The following CSMD1 variants were observed in gnomAD, a reference collection of about 807,000 sequenced individuals.
The protein encoded by CSMD1 is CUB and Sushi multiple domains 1, also known as CUB and sushi domain-containing protein 1.
A neutral mutation model predicts 417.5 loss-of-function variants in CSMD1; 213 were observed. The ratio of observed to expected loss-of-function variants is 0.51; its 90% CI spans 0.46 to 0.57. CSMD1 has a LOEUF of 0.57. CSMD1 is among the 20% of genes least tolerant of loss of function. CSMD1 has a pLI of 0.00. For synonymous variants in CSMD1, 2,862 were observed against 1,736.8 expected (o/e 1.65, Z -16.11); for missense variants, 6,923 against 4,529.7 (o/e 1.53, Z -15.17).
intron 1 of CSMD1, among the ~76,000 whole-genome samples, chr8:4,937,567 A>G (rs1317780629): frequency 1.3e-5 from 2 of 152,236 alleles, no homozygotes; most frequent in Non-Finnish European, 2.9e-5. Flanking sequence ...TTCTGTCAGC[A>G]TGACAAAGAA....
Position 3,308,496 on chromosome 8 carries a change from A to C in CSMD1, c.3639T>G (p.Asp1213Glu). 6.2e-7 allele frequency: 1 copy of C among 1,610,822 alleles called. No individual in the cohort carries two copies. The highest frequency in any genetic ancestry group is 8.5e-7 in the Non-Finnish European group (1 of 1,177,826). ...QGFQLTYTSF[D>E]LVKCEDPGIP... ...TGCCCGGATCCTCACATTTTACCAG[A>C]TCAAAACCTGCAAGAGAGAAAGGCA... Residue 1213 changes from aspartate to glutamate, a missense_variant, in exon 24 of 70, where the codon GAT becomes GAG. Transcript: ENST00000635120.
At chr8:3,941,020 T>C (rs1810846915) in intron 5 of CSMD1, among the ~76,000 whole-genome samples, 1 of 152,142 alleles carries the variant, frequency 6.6e-6, no homozygotes, top group East Asian at 1.9e-4. Flanking sequence ...CATATTTCCA[T>C]GCTACATGTG....
chr8:3,663,632 A>C (rs1798534316), intron 7 of CSMD1, among the ~76,000 whole-genome samples: 2 of 152,142 alleles, frequency 1.3e-5, no homozygotes, highest in South Asian at 4.2e-4. Flanking sequence ...GGAAAGACTA[A>C]TCAGAAACTC....
chr8:4,678,305 G>A (rs952262419), intron 1 of CSMD1, among the ~76,000 whole-genome samples: 1 of 152,000 alleles, frequency 6.6e-6, no homozygotes, highest in Non-Finnish European at 1.5e-5. Flanking sequence ...CAACTACTTG[G>A]GAGGGTGAGG....
intron 2 of CSMD1, among the ~76,000 whole-genome samples, chr8:4,538,191 A>ACT (rs1554507031): frequency 3.5e-5 from 5 of 144,872 alleles, no homozygotes; most frequent in Non-Finnish European, 3.0e-5. Flanking sequence ...AGGTGGCTAC[A>ACT]TTTTTTTTTT....
At chr8:4,920,372 C>T (rs769577314) in intron 1 of CSMD1, among the ~76,000 whole-genome samples, 1 of 152,182 alleles carries the variant, frequency 6.6e-6, no homozygotes, top group Admixed American at 6.5e-5. Flanking sequence ...AGAGAAAATG[C>T]ATATGGAAAT....
intron 5 of CSMD1, among the ~76,000 whole-genome samples, chr8:3,875,553 G>A (rs560348430): frequency 6.6e-6 from 1 of 152,122 alleles, no homozygotes; most frequent in African/African-American, 2.4e-5. Context: ...AAGCAGGAGA[G>A]GCTCCTTCAG....
chr8:4,029,668 A>G (rs1235301067), intron 4 of CSMD1, among the ~76,000 whole-genome samples: 1 of 152,016 alleles, frequency 6.6e-6, no homozygotes, highest in Non-Finnish European at 1.5e-5. Flanking sequence ...ACCCACCCAA[A>G]TCTCATGTCC....
At chr8:4,761,783 C>A (rs903186954) in intron 1 of CSMD1, among the ~76,000 whole-genome samples, 1 of 151,956 alleles carries the variant, frequency 6.6e-6, no homozygotes, top group Non-Finnish European at 1.5e-5. Flanking sequence ...ATCTTTTTGT[C>A]TTAATATTGT....
chr8:4,203,454 C>CTT (rs1476429410), intron 3 of CSMD1, among the ~76,000 whole-genome samples: 10 of 152,114 alleles, frequency 6.6e-5, no homozygotes, highest in African/African-American at 2.4e-4. Context: ...ATCCAATGTG[C>CTT]TTTTCTTCTT....
chr8:4,198,011 G>C (rs1428982573), intron 3 of CSMD1, among the ~76,000 whole-genome samples: 3 of 152,336 alleles, frequency 2.0e-5, no homozygotes, highest in East Asian at 1.9e-4. Context: ...CTTTCCTTAA[G>C]AGTTGGGGGC....
chr8:4,409,986 G>A (rs147666607), intron 3 of CSMD1, among the ~76,000 whole-genome samples: 1 of 152,054 alleles, frequency 6.6e-6, no homozygotes, highest in East Asian at 1.9e-4. Context: ...GCAAATTTTT[G>A]TATTTTTAGT....
chr8:3,351,881 A>T (rs747143753), intron 21 of CSMD1, among the ~76,000 whole-genome samples: 1 of 151,942 alleles, frequency 6.6e-6, no homozygotes, highest in African/African-American at 2.4e-5. Flanking sequence ...ATAGAATCAC[A>T]TTTTTAAAAA....
chr8:4,842,625 A>G (rs768383610), intron 1 of CSMD1, among the ~76,000 whole-genome samples: 3 of 152,222 alleles, frequency 2.0e-5, no homozygotes, highest in Non-Finnish European at 4.4e-5. Flanking sequence ...TATGTGCAAA[A>G]CCACACTCAG....
intron 10 of CSMD1, among the ~76,000 whole-genome samples, chr8:3,548,791 C>T (rs1379082742): frequency 6.6e-6 from 1 of 151,790 alleles, no homozygotes; most frequent in African/African-American, 2.4e-5. Flanking sequence ...GCTTAACCAC[C>T]TTCTCAGGTT....
chr8:3,990,008 A>T (rs1030855336), intron 5 of CSMD1, among the ~76,000 whole-genome samples: 6 of 152,244 alleles, frequency 3.9e-5, no homozygotes, highest in Non-Finnish European at 8.8e-5. Context: ...AGGATGTGCC[A>T]GTTGGCTGAT....
At chr8:4,675,283 C>A (rs1805602074) in intron 1 of CSMD1, among the ~76,000 whole-genome samples, 1 of 152,108 alleles carries the variant, frequency 6.6e-6, no homozygotes, top group African/African-American at 2.4e-5. Context: ...TCTGAAGGGG[C>A]ATTGTTGGAG....
intron 37 of CSMD1, among the ~76,000 whole-genome samples, chr8:3,168,334 C>T (rs1217246744): frequency 1.3e-5 from 2 of 152,174 alleles, no homozygotes; most frequent in African/African-American, 4.8e-5. Flanking sequence ...TATTCTCTGG[C>T]ACACGACACA....
At chr8:3,385,449 T>C (rs995593658) in intron 18 of CSMD1, among the ~76,000 whole-genome samples, 4 of 151,980 alleles carry the variant, frequency 2.6e-5, no homozygotes, top group East Asian at 1.9e-4. Flanking sequence ...ACTGAACTGA[T>C]TGTTGCTAAA....
Sources: allele counts gnomAD v4.1 joint callset (sites outside exome capture counted in the v4.1 genomes callset), GRCh38; gene constraint gnomAD v4.1.1; transcripts MANE v1.5; gene names NCBI Gene and HGNC (gene_info 2026-07-23, HGNC 2026-07-21).